Variants in ZNF729 observed in about 807,000 individuals in gnomAD.
ZNF729 encodes the protein zinc finger protein 729.
A neutral mutation model predicts 12.2 loss-of-function variants in ZNF729; 15 were observed. That is an observed-to-expected ratio of 1.23 (90% CI 0.82 to 1.89). ZNF729 has a LOEUF of 1.89. Ranked by LOEUF, ZNF729 falls within the 40% of genes most tolerant of loss-of-function variation. The pLI, the probability that ZNF729 is intolerant of heterozygous loss-of-function variation, is 0.00. For missense variants in ZNF729, 1,540 were observed against 1,456.7 expected, an observed-to-expected ratio of 1.06 and a Z score of -0.93; for synonymous variants, 492 against 476.3, an observed-to-expected ratio of 1.03 and a Z score of -0.43.
chr19:22,311,164 T>G (rs1968445819), intron 3 of ZNF729, among the ~76,000 whole-genome samples: 1 of 152,126 alleles, frequency 6.6e-6, no homozygotes, highest in Non-Finnish European at 1.5e-5. Context: ...ATCTTTTGGT[T>G]TTTGTCTGTT....
At chr19:22,286,633 C>G in intron 1 of ZNF729, 78 bp downstream of exon 1, 1 of 1,563,312 alleles carries the variant, frequency 6.4e-7, no homozygotes. Context: ...TGGCGGGACT[C>G]CGGCCTCCCC....
intron 1 of ZNF729, among the ~76,000 whole-genome samples, chr19:22,288,318 T>TG (rs1217057961): frequency 1.3e-5 from 2 of 151,970 alleles, no homozygotes; most frequent in African/African-American, 4.8e-5. Context: ...ACTGTTTTTT[T>TG]TTTTTTTTTT....
In ZNF729 at chr19:22,314,056, T is replaced by C; in HGVS notation, c.639T>C (p.Arg213=). 6.5e-7 allele frequency: 1 copy of C among 1,543,068 alleles called. No homozygotes were observed. ...AGAATATCTACAAATGTGAAGAACGTGGCAAAGCCTTTAAATCGTTCTCAA... is the reference window on the plus strand; with the variant it reads ...AGAATATCTACAAATGTGAAGAACGCGGCAAAGCCTTTAAATCGTTCTCAA... ...IRQNIYKCEE[R]GKAFKSFSTL... is the part of the protein sequence containing the mutation. The change falls in exon 4 of 4, where the codon CGT becomes CGC. Residue 213 remains arginine, a synonymous_variant. Coordinates refer to ENST00000601693, the MANE Select transcript of ZNF729 (RefSeq NM_001242680.2).
In ZNF729 at chr19:22,286,593, GGGCTGATTGGAACCGGTGGGAAGT is replaced by G. The variant is rs750498486; in HGVS notation, c.30+44_30+67del. On this transcript the variant is annotated intron_variant, in intron 1 of 3. Transcript: ENST00000601693. ...GGTCCGACATCCCGAGAAGGGGAAG[GGGCTGATTGGAACCGGTGGGAAGT>G]GGCTGTGGCGGGACTCCGGCCTCCC... The G allele has an allele frequency of 2.9e-4, 468 of 1,613,920 alleles. 1 individual carries two copies. The highest frequency in any genetic ancestry group is 3.9e-4 in the Non-Finnish European group (455 of 1,179,916).
rs1166084066 is a variant in ZNF729, at chr19:22,315,005, A to G, written c.1588A>G (p.Thr530Ala). 4 of 1,611,210 alleles carry G rather than the reference A, an allele frequency of 2.5e-6. No homozygotes were observed. In the Admixed American group the frequency reaches 6.7e-5, roughly 27 times the overall value. ...ECGKAFSQSS[T>A]LRNHQIIHTG... is the part of the protein sequence containing the mutation. ...TGGGAAAGCTTTTAGCCAGTCCTCAACCCTTAGAAACCATCAGATAATTCA... is the reference window on the plus strand; with the variant it reads ...TGGGAAAGCTTTTAGCCAGTCCTCAGCCCTTAGAAACCATCAGATAATTCA... The change falls in exon 4 of 4, where the codon ACC (threonine) becomes GCC (alanine). Residue 530 changes from threonine (T) to alanine (A), a missense_variant. Physicochemically the swap from Thr to Ala is moderately conservative, Grantham distance 58 (BLOSUM62 0). Transcript: ENST00000601693.
chr19:22,288,896 G>A (rs1968115894), intron 1 of ZNF729, among the ~76,000 whole-genome samples: 1 of 152,168 alleles, frequency 6.6e-6, no homozygotes, highest in East Asian at 1.9e-4. Context: ...GTGATCCAGT[G>A]AGATGGTGTA....
In ZNF729 at chr19:22,315,645, A is replaced by C; in HGVS notation, c.2228A>C (p.Glu743Ala). The change falls in exon 4 of 4, where the codon GAA (glutamate) becomes GCA (alanine). Residue 743 changes from glutamate to alanine, a missense_variant. Physicochemically the swap from Glu to Ala is moderately radical, Grantham distance 107. Coordinates refer to ENST00000601693, the MANE Select transcript of ZNF729 (RefSeq NM_001242680.2). ...ACTGCAGAGAAACCCTGCAAATGTG[A>C]AGAATGTGGCAAATCTTTTAAGCAT... ...IHTAEKPCKC[E>A]ECGKSFKHFS... 1.2e-6 allele frequency: 2 copies of C among 1,609,046 alleles called. No individual in the cohort carries two copies. The highest frequency in any genetic ancestry group is 1.7e-6 in the Non-Finnish European group (2 of 1,179,370).
rs111584628 is a variant in ZNF729, at chr19:22,289,692, T to C, written c.30+3137T>C. 3.0e-3 allele frequency among the ~76,000 whole-genome samples: 454 copies of C among 152,292 alleles called. 4 individuals carry two copies. Among genetic ancestry groups the C allele is most frequent in the African/African-American group, 0.011 (442 of 41,560 alleles). Reference sequence around the variant, plus strand: ...TTTTGGCTTCAGAAAATGCACACATTTCCACAAGAAAATATGGTAGGTAAT... The same window carrying C: ...TTTTGGCTTCAGAAAATGCACACATCTCCACAAGAAAATATGGTAGGTAAT... On this transcript the variant is annotated intron_variant, in intron 1 of 3. Coordinates refer to ENST00000601693, the MANE Select transcript of ZNF729 (RefSeq NM_001242680.2).
Position 22,314,951 on chromosome 19 carries a change from G to A in ZNF729, c.1534G>A (p.Gly512Arg). 1 of 1,611,868 alleles carries A rather than the reference G, an allele frequency of 6.2e-7. No individual in the cohort carries two copies. Among genetic ancestry groups the A allele is most frequent in the Non-Finnish European group, 8.5e-7 (1 of 1,179,578 alleles). Residue 512 changes from glycine to arginine, a missense_variant, in exon 4 of 4, where the codon GGA becomes AGA. Transcript: ENST00000601693. ...TAGAAGACATAAGATAATTCATACT[G>A]GAAAGAAACCCTACAAATGTGAAGA... ...DLRRHKIIHT[G>R]KKPYKCEECG...
At chr19:22,298,021 A>AAAAAAAC (rs1568572568) in intron 1 of ZNF729, among the ~76,000 whole-genome samples, 1 of 149,596 alleles carries the variant, frequency 6.7e-6, no homozygotes, top group African/African-American at 2.5e-5. Flanking sequence ...AAAAAAAAAA[A>AAAAAAAC]AAAAAACACA....
At chr19:22,293,117 T>C (rs1968176679) in intron 1 of ZNF729, among the ~76,000 whole-genome samples, 1 of 152,212 alleles carries the variant, frequency 6.6e-6, no homozygotes, top group African/African-American at 2.4e-5. Context: ...GTGATGAGTA[T>C]TTTTTTCATA....
At position 22,316,820 on chromosome 19, in the gene ZNF729, G is replaced by A. The variant is rs1000410167; in HGVS notation, c.3403G>A (p.Glu1135Lys). The stretch of plus-strand genomic sequence containing the variant: ...TACTGGGGAGAAACCCTACAAATGT[G>A]AAGAATGTGGCAAAGCCTTTAGTCA... Reference protein sequence around the residue: ...IHTGEKPYKCEECGKAFSQSS... With the variant: ...IHTGEKPYKCKECGKAFSQSS... Residue 1135 changes from glutamate to lysine, a missense_variant, in exon 4 of 4, where the codon GAA becomes AAA. Transcript: ENST00000601693. The A allele has an allele frequency of 1.9e-6, 3 of 1,612,996 alleles. No homozygotes were observed. Among genetic ancestry groups the A allele is most frequent in the Non-Finnish European group, 2.5e-6 (3 of 1,179,976 alleles).
rs754536532 is a variant in ZNF729 at position 22,314,274 on chromosome 19, A to T, written c.857A>T (p.His286Leu). ...SSNLTDHKRIHTGEKTYKCEE... is the reference protein window; with the variant it reads ...SSNLTDHKRILTGEKTYKCEE... ...AATCTTACTGACCATAAGAGAATTC[A>T]TACTGGAGAGAAAACCTACAAATGT... is the stretch of plus-strand genomic sequence containing the variant. Residue 286 changes from histidine to leucine, a missense_variant, in exon 4 of 4, where the codon CAT becomes CTT. Physicochemically the swap from His to Leu is moderately conservative, Grantham distance 99 (BLOSUM62 -3). Transcript: ENST00000601693. 1 of 1,610,238 alleles carries T rather than the reference A, an allele frequency of 6.2e-7. No homozygotes were observed. The highest frequency in any genetic ancestry group is 1.3e-5 in the African/African-American group (1 of 74,864).
In ZNF729 at chr19:22,309,417, C is replaced by T. The variant is rs563028547; in HGVS notation, c.254-4254C>T. On this transcript the variant is annotated intron_variant, in intron 3 of 3. Coordinates refer to ENST00000601693, the MANE Select transcript of ZNF729 (RefSeq NM_001242680.2). ...CTGAGATCGTACCACTGCACTCTAG[C>T]CTGATCAACAGAGCAAAACTCCATC... Among the ~76,000 whole-genome samples, 85 of 152,234 alleles carry T rather than the reference C, an allele frequency of 5.6e-4. 3 individuals carry two copies. The South Asian group carries it at 0.018, about 32-fold the overall frequency.
At chr19:22,297,392 G>A (rs1029261948) in intron 1 of ZNF729, among the ~76,000 whole-genome samples, 7 of 151,236 alleles carry the variant, frequency 4.6e-5, no homozygotes, top group African/African-American at 1.5e-4. Context: ...AAGAATTTAA[G>A]AATATATCAA....
intron 1 of ZNF729, among the ~76,000 whole-genome samples, chr19:22,303,021 C>G (rs1248056866): frequency 6.6e-6 from 1 of 152,174 alleles, no homozygotes; most frequent in East Asian, 1.9e-4. Flanking sequence ...ATGATCCACC[C>G]ACCTCAGCCT....
At chr19:22,307,142 A>G (rs1968388233) in intron 3 of ZNF729, among the ~76,000 whole-genome samples, 1 of 151,792 alleles carries the variant, frequency 6.6e-6, no homozygotes, top group South Asian at 2.1e-4. Context: ...GCTGTCTAGC[A>G]TTTTATTTTT....
rs555372389 is a variant in ZNF729, at chr19:22,315,778, G to C, written c.2361G>C (p.Lys787Asn). The change falls in exon 4 of 4, where the codon AAG (lysine) becomes AAC (asparagine). Residue 787 changes from lysine (K) to asparagine (N), a missense_variant. Physicochemically the swap from Lys to Asn is moderately conservative, Grantham distance 94. Transcript: ENST00000601693. ...FNSFSALMKHKVIHTGEKPYK... is the reference protein window; with the variant it reads ...FNSFSALMKHNVIHTGEKPYK... ...GTTTCTCAGCCCTTATGAAACATAA[G>C]GTAATTCATACTGGAGAGAAACCCT... The C allele has an allele frequency of 7.9e-5, 127 of 1,609,804 alleles. 5 individuals carry two copies. The South Asian group carries it at 1.4e-3, about 18-fold the overall frequency.
At chr19:22,305,149 G>A (rs1295587889) in intron 3 of ZNF729, among the ~76,000 whole-genome samples, 3 of 152,044 alleles carry the variant, frequency 2.0e-5, no homozygotes, top group African/African-American at 4.8e-5. Flanking sequence ...CCTCACACTT[G>A]CTCTGTCTTT....
Sources: gnomAD v4.1 joint callset for allele counts (sites outside exome capture counted in the v4.1 genomes callset) on GRCh38, gnomAD v4.1.1 for gene constraint, MANE v1.5 for transcripts, NCBI Gene and HGNC (gene_info 2026-07-23, HGNC 2026-07-21) for gene names.